Variants in PID1 observed in about 807,000 individuals in gnomAD.
PID1 encodes phosphotyrosine interaction domain containing 1, also known as PTB-containing, cubilin and LRP1-interacting protein.
In PID1, 10 loss-of-function variants were observed where a neutral mutation model predicts 19.1. The ratio of observed to expected loss-of-function variants is 0.52; its 90% CI spans 0.32 to 0.89. PID1 has a LOEUF of 0.89. PID1 is among the 40% of genes least tolerant of loss of function. The pLI, the probability that PID1 is intolerant of heterozygous loss-of-function variation, is 0.03. For synonymous variants in PID1, 130 were observed against 116.0 expected (o/e 1.12, Z -0.78); for missense variants, 248 against 285.3 (o/e 0.87, Z 0.94).
intron 2 of PID1, among the ~76,000 whole-genome samples, chr2:229,088,542 C>A (rs1479221115): frequency 6.6e-6 from 1 of 152,200 alleles, no homozygotes; most frequent in East Asian, 1.9e-4. Flanking sequence ...GAAACCAGAC[C>A]TCTTCACAAT....
chr2:229,080,282 C>A (rs533662763), intron 2 of PID1, among the ~76,000 whole-genome samples: 1 of 152,310 alleles, frequency 6.6e-6, no homozygotes, highest in African/African-American at 2.4e-5. Flanking sequence ...TGTAATCTGG[C>A]TTCTACCTAC....
intron 1 of PID1, among the ~76,000 whole-genome samples, chr2:229,193,589 G>A (rs536974397): frequency 1.3e-5 from 2 of 152,168 alleles, no homozygotes; most frequent in South Asian, 4.1e-4. Flanking sequence ...CAATATTGTT[G>A]TTCTTGTGAG....
intron 2 of PID1, among the ~76,000 whole-genome samples, chr2:229,059,705 G>C (rs1000268945): frequency 6.6e-6 from 1 of 152,176 alleles, no homozygotes; most frequent in Admixed American, 6.5e-5. Context: ...CTTCTCATGA[G>C]AATTCTAGCA....
intron 1 of PID1, among the ~76,000 whole-genome samples, chr2:229,188,739 C>A (rs1336169872): frequency 7.8e-6 from 1 of 127,472 alleles, no homozygotes; most frequent in Non-Finnish European, 1.7e-5. Flanking sequence ...AACTCCACCT[C>A]AAAAAAAAAA....
chr2:229,157,955 G>A (rs540548863), intron 1 of PID1, among the ~76,000 whole-genome samples: 12 of 152,098 alleles, frequency 7.9e-5, no homozygotes, highest in African/African-American at 9.7e-5. Context: ...GAAAGTGCAC[G>A]TATCAAGAAG....
chr2:229,221,850 G>T (rs1167725842), intron 1 of PID1, among the ~76,000 whole-genome samples: 3 of 152,150 alleles, frequency 2.0e-5, no homozygotes, highest in Admixed American at 2.0e-4. Context: ...CAAAAGAGTG[G>T]CAGTCCTGCT....
rs989216440 is a variant in PID1, at chr2:229,025,477, T to C, written c.*155A>G. Reference sequence around the variant, plus strand: ...GTAACGTAATTACTTTAATGATACATTTCTTTAGATTTAGAATTGCTCTTC... The same window carrying C: ...GTAACGTAATTACTTTAATGATACACTTCTTTAGATTTAGAATTGCTCTTC... On this transcript the variant is annotated 3_prime_UTR_variant, in exon 3 of 3. Transcript: ENST00000392055. 5 of 648,042 alleles carry C rather than the reference T, an allele frequency of 7.7e-6. No homozygotes were observed. The highest frequency in any genetic ancestry group is 1.4e-5 in the Non-Finnish European group (5 of 362,630). 40.1% of individuals were successfully genotyped at this position (648,042 alleles called of 1,614,324 possible).
chr2:229,042,146 T>C (rs1312532282), intron 2 of PID1, among the ~76,000 whole-genome samples: 2 of 152,042 alleles, frequency 1.3e-5, no homozygotes, highest in African/African-American at 4.8e-5. Flanking sequence ...ATCAAACAGT[T>C]CAAAAGACAA....
chr2:229,060,279 C>T (rs1694185434), intron 2 of PID1, among the ~76,000 whole-genome samples: 1 of 152,088 alleles, frequency 6.6e-6, no homozygotes, highest in Admixed American at 6.6e-5. Flanking sequence ...CATTCCCTAT[C>T]TCCCTTCTCA....
At chr2:229,158,321 G>A (rs963983300) in intron 1 of PID1, among the ~76,000 whole-genome samples, 8 of 152,150 alleles carry the variant, frequency 5.3e-5, no homozygotes, top group African/African-American at 1.7e-4. Flanking sequence ...TATGAGTTGT[G>A]TAGCCAGTTT....
intron 1 of PID1, among the ~76,000 whole-genome samples, chr2:229,230,947 A>G (rs1375193911): frequency 6.6e-6 from 1 of 152,182 alleles, no homozygotes; most frequent in Non-Finnish European, 1.5e-5. Flanking sequence ...ATTAAATGTA[A>G]AAGTTTCCAC....
chr2:229,125,975 A>T (rs2106162640), intron 2 of PID1, among the ~76,000 whole-genome samples: 1 of 152,260 alleles, frequency 6.6e-6, no homozygotes, highest in South Asian at 2.1e-4. Flanking sequence ...GGTGCTACTT[A>T]GAGAGCAATA....
intron 1 of PID1, among the ~76,000 whole-genome samples, chr2:229,162,568 A>G (rs1221939217): frequency 1.3e-5 from 2 of 152,262 alleles, no homozygotes; most frequent in Admixed American, 6.5e-5. Context: ...AGCTTCAAAA[A>G]TATGGCAAAT....
intron 2 of PID1, among the ~76,000 whole-genome samples, chr2:229,074,733 T>G (rs1376355924): frequency 6.6e-6 from 1 of 152,212 alleles, no homozygotes; most frequent in Non-Finnish European, 1.5e-5. Context: ...AGAAATATAA[T>G]TTTGATCATA....
At chr2:229,081,657 T>C (rs896837267) in intron 2 of PID1, among the ~76,000 whole-genome samples, 2 of 152,210 alleles carry the variant, frequency 1.3e-5, no homozygotes, top group Non-Finnish European at 2.9e-5. Context: ...TGTTCTGAGT[T>C]ACAAAACATG....
intron 2 of PID1, among the ~76,000 whole-genome samples, chr2:229,086,807 C>T (rs994712986): frequency 6.6e-6 from 1 of 152,018 alleles, no homozygotes; most frequent in Non-Finnish European, 1.5e-5. Flanking sequence ...CTGTGAGCAG[C>T]AATGCCGTCT....
chr2:229,058,412 G>A (rs1694145991), intron 2 of PID1, among the ~76,000 whole-genome samples: 2 of 152,210 alleles, frequency 1.3e-5, no homozygotes, highest in Admixed American at 1.3e-4. Flanking sequence ...GTACTCTGCA[G>A]CATGGATGCT....
chr2:229,219,806 C>T (rs761093428), intron 1 of PID1, among the ~76,000 whole-genome samples: 1 of 151,958 alleles, frequency 6.6e-6, no homozygotes, highest in Non-Finnish European at 1.5e-5. Flanking sequence ...TAGGCATGAG[C>T]CACTGTGCCT....
At chr2:229,236,328 G>A (rs1255433448) in intron 1 of PID1, 5 of 152,156 alleles carry the variant, frequency 3.3e-5, no homozygotes, top group Admixed American at 3.3e-4. Flanking sequence ...GCCACCTCAC[G>A]ATGGCAGGTC....
Sources: allele counts gnomAD v4.1 joint callset (sites outside exome capture counted in the v4.1 genomes callset), GRCh38; gene constraint gnomAD v4.1.1; transcripts MANE v1.5; gene names NCBI Gene and HGNC (gene_info 2026-07-23, HGNC 2026-07-21).